Variants in COX10 observed in about 807,000 individuals in gnomAD.
The protein encoded by COX10 is protoheme IX farnesyltransferase, mitochondrial.
COX10 carries 27 observed loss-of-function variants against 37.3 expected under a neutral mutation model. The observed-to-expected ratio is 0.72, with a 90% confidence interval of 0.53 to 1.00. The LOEUF is 1.00. COX10 is among the 50% of genes least tolerant of loss of function. The pLI, the probability that COX10 is intolerant of heterozygous loss-of-function variation, is 0.00. For missense variants in COX10, 475 were observed against 563.2 expected, an observed-to-expected ratio of 0.84 and a Z score of 1.59; for synonymous variants, 222 against 229.1, an observed-to-expected ratio of 0.97 and a Z score of 0.28.
At chr17:14,165,342 G>C (rs914612635) in intron 5 of COX10, among the ~76,000 whole-genome samples, 6 of 152,128 alleles carry the variant, frequency 3.9e-5, no homozygotes, top group African/African-American at 1.4e-4. Flanking sequence ...TTGTGTCTCT[G>C]TGTCACACTT....
At chr17:14,178,923 A>C (rs981589128) in intron 5 of COX10, among the ~76,000 whole-genome samples, 2 of 152,212 alleles carry the variant, frequency 1.3e-5, no homozygotes, top group Admixed American at 1.3e-4. Flanking sequence ...TGGGAGGACA[A>C]AAGTACCTAA....
chr17:14,119,378 T>G (rs1355212859), intron 4 of COX10, among the ~76,000 whole-genome samples: 3 of 152,176 alleles, frequency 2.0e-5, no homozygotes, highest in South Asian at 2.1e-4. Context: ...TGTGTTCACC[T>G]GTTATGTCTT....
At position 14,145,262 on chromosome 17, in the gene COX10, A is replaced by G. The variant is rs1904679430; in HGVS notation, c.625-14615A>G. Among the ~76,000 whole-genome samples, 6 of 152,126 alleles carry G rather than the reference A, an allele frequency of 3.9e-5. No homozygotes were observed. In the South Asian group the frequency reaches 1.2e-3, roughly 32 times the overall value. ...CAGATATGAAATCCTTGTGGAGAGA[A>G]GCAGATTGAGTTGACTAGAGAGCAC... On this transcript the variant is annotated intron_variant, in intron 4 of 6. Coordinates refer to ENST00000261643, the MANE Select transcript of COX10 (RefSeq NM_001303.4).
At chr17:14,202,820 C>T (rs900909693) in intron 6 of COX10, among the ~76,000 whole-genome samples, 1 of 151,710 alleles carries the variant, frequency 6.6e-6, no homozygotes, top group African/African-American at 2.4e-5. Flanking sequence ...GCCTTCCCAG[C>T]CCCATCTTGT....
chr17:14,190,866 A>G (rs1567611459), intron 5 of COX10, among the ~76,000 whole-genome samples: 1 of 152,070 alleles, frequency 6.6e-6, no homozygotes, highest in Non-Finnish European at 1.5e-5. Flanking sequence ...ATAGAAGGGT[A>G]TCATCTCACA....
intron 4 of COX10, among the ~76,000 whole-genome samples, chr17:14,137,095 G>A (rs1904396965): frequency 6.6e-6 from 1 of 151,788 alleles, no homozygotes; most frequent in Non-Finnish European, 1.5e-5. Flanking sequence ...ATGCTAGAAG[G>A]CAGGCCTTCT....
At chr17:14,185,636 A>G (rs1376315538) in intron 5 of COX10, among the ~76,000 whole-genome samples, 2 of 152,048 alleles carry the variant, frequency 1.3e-5, no homozygotes, top group Admixed American at 6.6e-5. Flanking sequence ...TTCCAAAACC[A>G]TTATTATTGC....
At position 14,208,231 on chromosome 17, in the gene COX10, C is replaced by T. The variant is rs1228891828; in HGVS notation, c.*1018C>T. 6.6e-6 allele frequency: 1 copy of T among 152,238 alleles called. No individual in the cohort carries two copies. Among genetic ancestry groups the T allele is most frequent in the Admixed American group, 6.5e-5 (1 of 15,278 alleles). 9.4% of individuals were successfully genotyped at this position (152,238 alleles called of 1,614,324 possible). On this transcript the variant is annotated 3_prime_UTR_variant, in exon 7 of 7. Transcript: ENST00000261643. ...GTGCAATGGCTTTAAGAGCCAGAAG[C>T]AGGGTTCTGGGAATTTTGCAAGTTA... is the stretch of plus-strand genomic sequence containing the variant.
At chr17:14,190,964 T>C (rs867837191) in intron 5 of COX10, among the ~76,000 whole-genome samples, 2 of 152,118 alleles carry the variant, frequency 1.3e-5, no homozygotes, top group African/African-American at 4.8e-5. Flanking sequence ...CTGGTGACTC[T>C]TGCTTGCTAA....
At chr17:14,095,507 A>C (rs997702630) in intron 3 of COX10, among the ~76,000 whole-genome samples, 1 of 152,082 alleles carries the variant, frequency 6.6e-6, no homozygotes, top group Non-Finnish European at 1.5e-5. Flanking sequence ...GTCCTTTTTA[A>C]ATGTTACCCT....
chr17:14,092,368 T>C (rs929203561), intron 3 of COX10, among the ~76,000 whole-genome samples: 1 of 152,134 alleles, frequency 6.6e-6, no homozygotes, highest in African/African-American at 2.4e-5. Flanking sequence ...GTCCTAGGAC[T>C]TTCAGTCTAA....
chr17:14,132,973 C>T (rs1194657113), intron 4 of COX10, among the ~76,000 whole-genome samples: 1 of 151,608 alleles, frequency 6.6e-6, no homozygotes, highest in Non-Finnish European at 1.5e-5. Flanking sequence ...AGAAACAGTA[C>T]AACTCAATCA....
At chr17:14,093,588 T>C (rs1284366510) in intron 3 of COX10, among the ~76,000 whole-genome samples, 1 of 152,228 alleles carries the variant, frequency 6.6e-6, no homozygotes, top group Admixed American at 6.5e-5. Context: ...CTGCGAGTCC[T>C]GTAAAAGCCT....
intron 5 of COX10, among the ~76,000 whole-genome samples, chr17:14,164,765 A>G (rs145341826): frequency 1.1e-3 from 168 of 152,338 alleles, no homozygotes; most frequent in African/African-American, 3.8e-3. Flanking sequence ...TTCGCCAGAC[A>G]TTATAGCTCA....
At position 14,207,224 on chromosome 17, in the gene COX10, A is replaced by G. The variant is rs1391526058; in HGVS notation, c.*11A>G. ...CCCCCTCCCAGCTGAGAGCACTGGG[A>G]CGCCCACCGCCCCTTTCCCTCCGCT... is the stretch of plus-strand genomic sequence containing the variant. On this transcript the variant is annotated 3_prime_UTR_variant, in exon 7 of 7. Coordinates refer to ENST00000261643, the MANE Select transcript of COX10 (RefSeq NM_001303.4). 6.3e-7 allele frequency: 1 copy of G among 1,576,404 alleles called. No individual in the cohort carries two copies. Among genetic ancestry groups the G allele is most frequent in the Non-Finnish European group, 8.6e-7 (1 of 1,164,954 alleles).
intron 5 of COX10, among the ~76,000 whole-genome samples, chr17:14,161,980 C>A (rs1278961347): frequency 6.6e-6 from 1 of 152,178 alleles, no homozygotes; most frequent in African/African-American, 2.4e-5. Context: ...AGATTTGCCA[C>A]TGGGGAAGCC....
Position 14,156,733 on chromosome 17 carries a change from C to T in COX10, c.625-3144C>T, listed in dbSNP as rs530590359. On this transcript the variant is annotated intron_variant, in intron 4 of 6. Transcript: ENST00000261643. ...AGCCCTGCTCAGCCTTTAAGCTTCC[C>T]TTGAAGAGTATTTGAGGAAAATCAT... Among the ~76,000 whole-genome samples the T allele has an allele frequency of 1.6e-4, 24 of 152,254 alleles. 1 individual carries two copies. The Middle Eastern group carries it at 0.01, about 65-fold the overall frequency.
rs372024600 is a variant in COX10, at chr17:14,186,515, G to C, written c.696-5474G>C. The stretch of plus-strand genomic sequence containing the variant: ...CCACCACCCAGCATAAACTAGGTTA[G>C]GTGCCCCTGACTGCCCCGTGTTCCC... On this transcript the variant is annotated intron_variant, in intron 5 of 6. Transcript: ENST00000261643. Among the ~76,000 whole-genome samples the C allele has an allele frequency of 1.2e-3, 180 of 151,818 alleles. 1 individual carries two copies. The South Asian group carries it at 0.036, about 30-fold the overall frequency.
chr17:14,178,481 G>A (rs1299493311), intron 5 of COX10, among the ~76,000 whole-genome samples: 1 of 142,496 alleles, frequency 7.0e-6, no homozygotes, highest in East Asian at 2.0e-4. Context: ...CGCCTCATTG[G>A]TTCCTTCTCT....
Sources: allele counts gnomAD v4.1 joint callset (sites outside exome capture counted in the v4.1 genomes callset), GRCh38; gene constraint gnomAD v4.1.1; transcripts MANE v1.5; gene names NCBI Gene and HGNC (gene_info 2026-07-23, HGNC 2026-07-21).